DGLUCY: variants seen among roughly 807,000 people sequenced by gnomAD.
DGLUCY encodes the protein D-glutamate cyclase.
Under a neutral mutation model 58.5 loss-of-function variants are expected in DGLUCY, and 58 were observed. The ratio of observed to expected loss-of-function variants is 0.99; its 90% CI spans 0.80 to 1.23. The LOEUF (loss-of-function observed/expected upper bound fraction) is 1.23, where lower values mean the gene tolerates loss of function less well. Ranked by LOEUF, DGLUCY falls within the 50% of genes most tolerant of loss-of-function variation. The pLI is 0.00. For missense variants in DGLUCY, 779 were observed against 784.7 expected, an observed-to-expected ratio of 0.99 and a Z score of 0.09; for synonymous variants, 325 against 314.1, an observed-to-expected ratio of 1.03 and a Z score of -0.37.
At chr14:91,117,542 T>C (rs1325509478) in intron 1 of DGLUCY, among the ~76,000 whole-genome samples, 1 of 152,032 alleles carries the variant, frequency 6.6e-6, no homozygotes, top group East Asian at 1.9e-4. Flanking sequence ...TTCTGTAAAA[T>C]AGGGATAACA....
At chr14:91,088,758 C>T (rs903759623) in intron 1 of DGLUCY, among the ~76,000 whole-genome samples, 1 of 151,110 alleles carries the variant, frequency 6.6e-6, no homozygotes, top group African/African-American at 2.5e-5. Context: ...ATCCTGTGAA[C>T]ACAGACATGT....
At chr14:91,183,506 G>A (rs189183892) in intron 8 of DGLUCY, among the ~76,000 whole-genome samples, 125 of 152,256 alleles carry the variant, frequency 8.2e-4, no homozygotes, top group African/African-American at 2.8e-3. Context: ...CTTCATCAGC[G>A]TAACAGGAGT....
chr14:91,096,687 C>A (rs980445628), intron 1 of DGLUCY, among the ~76,000 whole-genome samples: 1 of 152,104 alleles, frequency 6.6e-6, no homozygotes, highest in African/African-American at 2.4e-5. Context: ...CCCTGCCCAC[C>A]CCCCTGGCTT....
intron 1 of DGLUCY, among the ~76,000 whole-genome samples, chr14:91,153,237 C>T (rs2047419375): frequency 6.6e-6 from 1 of 152,158 alleles, no homozygotes; most frequent in Admixed American, 6.5e-5. Context: ...GGCTGGAGTG[C>T]AGTGGCGAAA....
At chr14:91,180,140 T>C (rs944637472) in intron 7 of DGLUCY, among the ~76,000 whole-genome samples, 4 of 151,646 alleles carry the variant, frequency 2.6e-5, no homozygotes, top group African/African-American at 9.7e-5. Flanking sequence ...TCCACCCTCC[T>C]TGGCCTCCCA....
chr14:91,185,121 A>C (rs1004645188), intron 8 of DGLUCY, among the ~76,000 whole-genome samples: 2 of 151,864 alleles, frequency 1.3e-5, no homozygotes, highest in African/African-American at 4.8e-5. Flanking sequence ...GGCATGTGCC[A>C]CCATGTCTGG....
At chr14:91,171,919 T>A (rs1178109675) in intron 5 of DGLUCY, among the ~76,000 whole-genome samples, 1 of 152,106 alleles carries the variant, frequency 6.6e-6, no homozygotes, top group Non-Finnish European at 1.5e-5. Flanking sequence ...CTCCCTTGCC[T>A]CCCTCTGCCC....
chr14:91,155,193 A>G (rs927708579), intron 1 of DGLUCY, among the ~76,000 whole-genome samples: 5 of 152,162 alleles, frequency 3.3e-5, no homozygotes, highest in Non-Finnish European at 5.9e-5. Context: ...TTATGCGTTT[A>G]ATGTCTGTCT....
rs554541718 is a variant in DGLUCY at position 91,138,944 on chromosome 14, A to T, written c.-81-18695A>T. Among the ~76,000 whole-genome samples the T allele has an allele frequency of 4.1e-4, 63 of 152,300 alleles. 1 individual carries two copies. The Middle Eastern group carries it at 0.017, about 41-fold the overall frequency. Reference sequence around the variant, plus strand: ...GAGCTCAACAAACTTTTAGGTAAAGAACCAGATATTTTAAATATTTTAGGC... The same window carrying T: ...GAGCTCAACAAACTTTTAGGTAAAGTACCAGATATTTTAAATATTTTAGGC... On this transcript the variant is annotated intron_variant, in intron 1 of 13. Transcript: ENST00000256324.
At chr14:91,180,433 G>A (rs181012653) in intron 7 of DGLUCY, among the ~76,000 whole-genome samples, 1 of 151,700 alleles carries the variant, frequency 6.6e-6, no homozygotes, top group Non-Finnish European at 1.5e-5. Context: ...TTAGCCAGGC[G>A]TGGTGGCGGG....
chr14:91,077,001 C>G (rs2044031974), intron 1 of DGLUCY, among the ~76,000 whole-genome samples: 1 of 152,096 alleles, frequency 6.6e-6, no homozygotes. Context: ...TCCCAGGCCT[C>G]TGGGAGGCCA....
At chr14:91,178,269 A>C (rs146979971) in intron 7 of DGLUCY, among the ~76,000 whole-genome samples, 36 of 152,098 alleles carry the variant, frequency 2.4e-4, no homozygotes, top group Non-Finnish European at 4.7e-4. Context: ...AGGCTCAAGC[A>C]ATCCTCCCAC....
chr14:91,106,911 A>G (rs1204194666), upstream of DGLUCY, among the ~76,000 whole-genome samples: 1 of 152,188 alleles, frequency 6.6e-6, no homozygotes, highest in Non-Finnish European at 1.5e-5. Context: ...TGACAGCTTT[A>G]TTGAGATATA....
chr14:91,196,140 GCTGTGTTAGCCCGATT>G (rs1364249858), intron 9 of DGLUCY, among the ~76,000 whole-genome samples: 2 of 152,116 alleles, frequency 1.3e-5, no homozygotes, highest in African/African-American at 4.8e-5. Context: ...TATTTGTTAG[GCTGTGTTAGCCCGATT>G]CTGCCCTCCA....
intron 1 of DGLUCY, among the ~76,000 whole-genome samples, chr14:91,127,842 A>G (rs12433069): frequency 0.6 from 90,517 of 151,978 alleles, 28,217 homozygotes; most frequent in East Asian, 0.91. Context: ...AGAAAGGTCA[A>G]CTGGGACTAA....
chr14:91,187,702 G>A (rs990542913), intron 8 of DGLUCY, among the ~76,000 whole-genome samples: 5 of 152,188 alleles, frequency 3.3e-5, no homozygotes, highest in Non-Finnish European at 7.3e-5. Flanking sequence ...CAGCTTGGTA[G>A]TGCAGAGGAC....
At chr14:91,135,654 A>T (rs1027122962) in intron 1 of DGLUCY, among the ~76,000 whole-genome samples, 3 of 8,040 alleles carry the variant, frequency 3.7e-4, no homozygotes, top group Admixed American at 1.7e-3. Flanking sequence ...CTGCCTCATT[A>T]AAAAAAAAAA....
Position 91,188,920 on chromosome 14 carries a change from G to T in DGLUCY, c.945G>T (p.Gly315=), listed in dbSNP as rs755730903. ...TTTTTGTCATTTCAGGGAACCGGGG[G>T]ATTGGGCACCTGCTCTGTAAAGATG... is the stretch of plus-strand genomic sequence containing the variant. ...SMIGIDPGNR[G]IGHLLCKDEL... Residue 315 remains glycine, a synonymous_variant, in exon 9 of 14, where the codon GGG becomes GGT. Coordinates refer to ENST00000256324, the MANE Select transcript of DGLUCY (RefSeq NM_001102368.3). The T allele has an allele frequency of 1.9e-6, 3 of 1,613,120 alleles. No individual in the cohort carries two copies. The highest frequency in any genetic ancestry group is 2.7e-5 in the African/African-American group (2 of 74,908).
rs574316946 is a variant in DGLUCY, at chr14:91,097,461, A to G, written c.-82+36757A>G. On this transcript the variant is annotated intron_variant, in intron 1 of 4. Coordinates refer to the DGLUCY transcript ENST00000521334. ...AATTGTGGTGAGGTTGCAAAGTTCC[A>G]TGAATATGCAAAAAATTATTGAGTT... Among the ~76,000 whole-genome samples the G allele has an allele frequency of 3.9e-5, 6 of 152,334 alleles. No homozygotes were observed. The East Asian group carries it at 1.2e-3, about 29-fold the overall frequency.
Sources: allele counts gnomAD v4.1 joint callset (sites outside exome capture counted in the v4.1 genomes callset), GRCh38; gene constraint gnomAD v4.1.1; transcripts MANE v1.5; gene names NCBI Gene and HGNC (gene_info 2026-07-23, HGNC 2026-07-21).